Variants in HCRTR2 observed in about 807,000 individuals in gnomAD.
The protein encoded by HCRTR2 is hypocretin receptor 2.
A neutral mutation model predicts 49.0 loss-of-function variants in HCRTR2; 22 were observed. The observed-to-expected ratio is 0.45, with a 90% CI of 0.32 to 0.64. The LOEUF (loss-of-function observed/expected upper bound fraction) is 0.64. Ranked by LOEUF, HCRTR2 falls within the 30% of genes least tolerant of loss-of-function variation. The pLI, the probability that HCRTR2 is intolerant of heterozygous loss-of-function variation, is 0.04. For missense variants in HCRTR2, 491 were observed against 559.4 expected (o/e 0.88, Z 1.23); for synonymous variants, 236 against 205.3 (o/e 1.15, Z -1.28).
At chr6:55,242,050 A>G (rs1435772829) in intron 1 of HCRTR2, among the ~76,000 whole-genome samples, 1 of 151,496 alleles carries the variant, frequency 6.6e-6, no homozygotes, top group East Asian at 1.9e-4. Flanking sequence ...TGTATTTTTT[A>G]GTAGAGACAG....
chr6:55,228,815 G>GT (rs1766059644), intron 1 of HCRTR2, among the ~76,000 whole-genome samples: 1 of 152,058 alleles, frequency 6.6e-6, no homozygotes, highest in South Asian at 2.1e-4. Flanking sequence ...ACTTTTCAAG[G>GT]TTTTTTAATC....
intron 2 of HCRTR2, among the ~76,000 whole-genome samples, chr6:55,253,678 C>A (rs1319558294): frequency 6.6e-6 from 1 of 152,056 alleles, no homozygotes; most frequent in Non-Finnish European, 1.5e-5. Flanking sequence ...ACATATACAC[C>A]ATGGAATACT....
chr6:55,157,886 T>C (rs1441737192), intron 1 of HCRTR2, among the ~76,000 whole-genome samples: 1 of 152,210 alleles, frequency 6.6e-6, no homozygotes, highest in Admixed American at 6.5e-5. Flanking sequence ...ATTTGATACC[T>C]GAAAAGCTTT....
intron 3 of HCRTR2, among the ~76,000 whole-genome samples, chr6:55,262,379 A>T (rs1016885422): frequency 7.3e-6 from 1 of 136,594 alleles, no homozygotes; most frequent in African/African-American, 2.9e-5. Context: ...ATAGTTATAT[A>T]TAATATTATA....
chr6:55,245,371 GTATATATATATA>G lies in HCRTR2; in HGVS notation c.224-3264_224-3253del, dbSNP rs71767441. ...TACACAAGGGAACCGATGTGTGTGT[GTATATATATATA>G]TATGTATATATATATACACACACAC... On this transcript the variant is annotated intron_variant, in intron 1 of 6. Transcript: ENST00000370862. Among the ~76,000 whole-genome samples the G allele has an allele frequency of 2.2e-5, 3 of 137,336 alleles. No individual in the cohort carries two copies. The South Asian group carries it at 6.9e-4, about 31-fold the overall frequency. The allele number at this position is 137,336 out of a possible 152,430, so 90.1% of individuals were successfully genotyped here.
intron 5 of HCRTR2, among the ~76,000 whole-genome samples, chr6:55,278,827 C>T (rs1467765465): frequency 6.6e-6 from 1 of 151,330 alleles, no homozygotes; most frequent in Non-Finnish European, 1.5e-5. Flanking sequence ...CTTTTAAGAA[C>T]TTTATAAACA....
rs538883545 is a variant in HCRTR2 at position 55,181,198 on chromosome 6, T to C, written c.223+6388T>C. ...GAATCATTACCTATTACATCAGACA[T>C]GAAATGACCTTTAGATACTGACTTT... is the stretch of plus-strand genomic sequence containing the variant. On this transcript the variant is annotated intron_variant, in intron 1 of 6. Transcript: ENST00000370862. 2.6e-5 allele frequency among the ~76,000 whole-genome samples: 4 copies of C among 152,262 alleles called. No homozygotes were observed. In the South Asian group the frequency reaches 8.3e-4, roughly 32 times the overall value.
intron 1 of HCRTR2, among the ~76,000 whole-genome samples, chr6:55,209,515 C>T (rs1486461066): frequency 1.3e-5 from 2 of 152,154 alleles, no homozygotes; most frequent in African/African-American, 2.4e-5. Context: ...TGTTTGTTCA[C>T]ATGCCACACA....
At chr6:55,205,587 C>G (rs1765586438) in intron 1 of HCRTR2, among the ~76,000 whole-genome samples, 1 of 151,858 alleles carries the variant, frequency 6.6e-6, no homozygotes, top group Non-Finnish European at 1.5e-5. Context: ...AGAGAATAGA[C>G]AGAGAGGAAT....
intron 1 of HCRTR2, among the ~76,000 whole-genome samples, chr6:55,135,118 A>C (rs1210555770): frequency 6.6e-6 from 1 of 152,068 alleles, no homozygotes; most frequent in African/African-American, 2.4e-5. Context: ...ATGAAATGGC[A>C]ACAGAAAGTG....
At chr6:55,266,711 G>A (rs564856734) in intron 4 of HCRTR2, among the ~76,000 whole-genome samples, 157 of 152,014 alleles carry the variant, frequency 1.0e-3, no homozygotes, top group African/African-American at 3.6e-3. Context: ...TATCTGTCTT[G>A]TTACTTTTAC....
At chr6:55,228,996 T>G (rs1766062987) in intron 1 of HCRTR2, among the ~76,000 whole-genome samples, 1 of 152,158 alleles carries the variant, frequency 6.6e-6, no homozygotes. Flanking sequence ...CCTTGGTTAC[T>G]GTGCATGTGG....
Position 55,263,803 on chromosome 6 carries a change from G to C in HCRTR2, c.743G>C (p.Arg248Pro), listed in dbSNP as rs199660644. Residue 248 changes from arginine (R) to proline (P), a missense_variant, in exon 4 of 7, where the codon CGC becomes CCC. By Grantham distance (103) the Arg-to-Pro change is moderately radical. Transcript: ENST00000370862. ...GTGTTGGCTTATCTGCAAATATTTC[G>C]CAAACTCTGGTGTCGACAGGTATAT... ...LMVLAYLQIF[R>P]KLWCRQIPGT... is the part of the protein sequence containing the mutation. The C allele has an allele frequency of 6.2e-7, 1 of 1,605,466 alleles. No homozygotes were observed.
intron 1 of HCRTR2, among the ~76,000 whole-genome samples, chr6:55,150,724 T>A (rs1235676318): frequency 1.3e-5 from 2 of 152,012 alleles, no homozygotes; most frequent in African/African-American, 2.4e-5. Flanking sequence ...ATTTTCTTTA[T>A]CCATTTTTCT....
intron 1 of HCRTR2, among the ~76,000 whole-genome samples, chr6:55,132,755 T>C (rs1390046170): frequency 2.0e-5 from 3 of 149,442 alleles, no homozygotes; most frequent in East Asian, 1.9e-4. Context: ...CTCTCTCTTT[T>C]TTTTTTTTTT....
chr6:55,269,171 C>A (rs1263060923), intron 4 of HCRTR2, among the ~76,000 whole-genome samples: 1 of 151,260 alleles, frequency 6.6e-6, no homozygotes, highest in African/African-American at 2.4e-5. Context: ...ACTATGAAAC[C>A]ACTGGGCTTA....
chr6:55,159,280 A>G (rs1764773255), intron 1 of HCRTR2, among the ~76,000 whole-genome samples: 1 of 151,152 alleles, frequency 6.6e-6, no homozygotes, highest in African/African-American at 2.5e-5. Context: ...AAACAAAAAC[A>G]AAAACAAAAA....
In HCRTR2 at chr6:55,192,683, G is replaced by A. The variant is rs572608670; in HGVS notation, c.223+17873G>A. Among the ~76,000 whole-genome samples the A allele has an allele frequency of 7.2e-5, 11 of 152,274 alleles. 3 individuals are homozygous for A. Among genetic ancestry groups the A allele is most frequent in the African/African-American group, 2.6e-4 (11 of 41,552 alleles). On this transcript the variant is annotated intron_variant, in intron 1 of 6. Transcript: ENST00000370862. ...TTGATAAGTAAGGTAAGTATTGATTGATAAAACATTTCAAACTCATTTTTC... is the reference window on the plus strand; with the variant it reads ...TTGATAAGTAAGGTAAGTATTGATTAATAAAACATTTCAAACTCATTTTTC...
At chr6:55,127,335 G>A (rs1275671550) in intron 1 of HCRTR2, among the ~76,000 whole-genome samples, 3 of 151,892 alleles carry the variant, frequency 2.0e-5, no homozygotes, top group East Asian at 3.9e-4. Context: ...AAAACTCCCC[G>A]ACCCCTTGCA....
Sources: allele counts gnomAD v4.1 joint callset (sites outside exome capture counted in the v4.1 genomes callset), GRCh38; gene constraint gnomAD v4.1.1; transcripts MANE v1.5; gene names NCBI Gene and HGNC (gene_info 2026-07-23, HGNC 2026-07-21).